The following ALK variants were observed in gnomAD, a reference collection of about 807,000 sequenced individuals.
ALK encodes ALK tyrosine kinase receptor.
ALK carries 74 observed loss-of-function variants against 163.1 expected under a neutral mutation model. That is an observed-to-expected ratio of 0.45 (90% CI 0.38 to 0.55). The LOEUF (loss-of-function observed/expected upper bound fraction) is 0.55, where lower values mean the gene tolerates loss of function less well. ALK is among the 20% of genes least tolerant of loss of function. ALK has a pLI of 0.00. For missense variants in ALK, 2,063 were observed against 2,105.3 expected, an observed-to-expected ratio of 0.98 and a Z score of 0.39; for synonymous variants, 960 against 843.2, an observed-to-expected ratio of 1.14 and a Z score of -2.40.
Position 29,514,901 on chromosome 2 carries a change from A to C in ALK, c.1154+17014T>G, listed in dbSNP as rs1469833050. ...GGGTTCCCATACCCATCCCTACCCTACCTCCAACTGACTTGCAGTTCCATC... is the reference window on the plus strand; with the variant it reads ...GGGTTCCCATACCCATCCCTACCCTCCCTCCAACTGACTTGCAGTTCCATC... On this transcript the variant is annotated intron_variant, in intron 4 of 28. Transcript: ENST00000389048. Among the ~76,000 whole-genome samples, 3 of 151,926 alleles carry C rather than the reference A, an allele frequency of 2.0e-5. No individual in the cohort carries two copies. In the East Asian group the frequency reaches 5.8e-4, roughly 29 times the overall value.
intron 1 of ALK, among the ~76,000 whole-genome samples, chr2:29,832,445 C>G (rs186135812): frequency 6.6e-6 from 1 of 152,206 alleles, no homozygotes; most frequent in Non-Finnish European, 1.5e-5. Flanking sequence ...ACCAAGAAGC[C>G]CAAAATTTGT....
intron 1 of ALK, among the ~76,000 whole-genome samples, chr2:29,753,870 C>T (rs574830038): frequency 2.1e-4 from 32 of 152,346 alleles, no homozygotes; most frequent in Middle Eastern, 3.4e-3. Context: ...TTTGCTTTGG[C>T]ATTAGCACCA....
intron 27 of ALK, 150 bp downstream of exon 27, chr2:29,197,392 G>T (rs2148142682): frequency 1.7e-6 from 2 of 1,161,312 alleles, no homozygotes; most frequent in African/African-American, 1.5e-5. Flanking sequence ...CCATCTCACT[G>T]AAGTCGCAGT....
chr2:29,746,056 C>T (rs2148327995), intron 1 of ALK, among the ~76,000 whole-genome samples: 1 of 152,286 alleles, frequency 6.6e-6, no homozygotes, highest in South Asian at 2.1e-4. Flanking sequence ...CTGTTCCTTA[C>T]AACAACCCTG....
intron 1 of ALK, chr2:29,899,740 T>G (rs1189955276): frequency 6.6e-6 from 1 of 151,094 alleles, no homozygotes; most frequent in East Asian, 1.9e-4. Flanking sequence ...GCAGAAGAAT[T>G]GCTTGAACCC....
chr2:29,630,638 T>C (rs1200616538), intron 3 of ALK, among the ~76,000 whole-genome samples: 1 of 152,172 alleles, frequency 6.6e-6, no homozygotes, highest in Non-Finnish European at 1.5e-5. Flanking sequence ...TAAAATGTTA[T>C]ATAAACCACC....
chr2:29,308,115 A>T (rs746817228), intron 8 of ALK, among the ~76,000 whole-genome samples: 8 of 151,950 alleles, frequency 5.3e-5, no homozygotes, highest in Non-Finnish European at 7.4e-5. Flanking sequence ...ACTTTTGATA[A>T]CTAGAACAAA....
At chr2:29,716,090 G>A (rs187342772) in intron 2 of ALK, among the ~76,000 whole-genome samples, 26 of 152,176 alleles carry the variant, frequency 1.7e-4, no homozygotes, top group Admixed American at 3.3e-4. Context: ...GAACATCTCT[G>A]TTAGGTGCAT....
At chr2:29,408,887 A>G (rs1040428593) in intron 4 of ALK, among the ~76,000 whole-genome samples, 5 of 152,228 alleles carry the variant, frequency 3.3e-5, no homozygotes, top group African/African-American at 1.2e-4. Context: ...GATCAAGAAA[A>G]GAACAGAACT....
chr2:29,252,732 A>C (rs1664851201), intron 11 of ALK, among the ~76,000 whole-genome samples: 1 of 151,714 alleles, frequency 6.6e-6, no homozygotes, highest in South Asian at 2.1e-4. Context: ...GAAGATGTTT[A>C]TTTCTATTTG....
chr2:29,698,226 G>A (rs770718951), intron 2 of ALK, among the ~76,000 whole-genome samples: 8 of 152,170 alleles, frequency 5.3e-5, no homozygotes, highest in Non-Finnish European at 1.2e-4. Context: ...TTCAAGATGT[G>A]CTTGAAGACA....
chr2:29,357,921 C>G (rs1231037161), intron 5 of ALK, among the ~76,000 whole-genome samples: 1 of 152,148 alleles, frequency 6.6e-6, no homozygotes, highest in Non-Finnish European at 1.5e-5. Flanking sequence ...TTTCCTGGGT[C>G]AAAAGTAAAA....
intron 1 of ALK, among the ~76,000 whole-genome samples, chr2:29,918,635 A>G (rs1344448596): frequency 6.6e-6 from 1 of 152,208 alleles, no homozygotes. Context: ...GTCACATACT[A>G]GTATGTATTC....
intron 9 of ALK, among the ~76,000 whole-genome samples, chr2:29,281,689 C>A (rs1289117397): frequency 2.0e-5 from 3 of 152,182 alleles, no homozygotes; most frequent in African/African-American, 7.2e-5. Context: ...TCATTCAGCT[C>A]TACAGAGACG....
At chr2:29,253,787 C>T (rs777512365) in intron 11 of ALK, among the ~76,000 whole-genome samples, 46 of 151,738 alleles carry the variant, frequency 3.0e-4, no homozygotes, top group African/African-American at 5.3e-4. Flanking sequence ...AGGGCAGAAG[C>T]GTGGCAGTTT....
In ALK at chr2:29,906,061, T is replaced by A. The variant is rs148087364; in HGVS notation, c.667+13932A>T. Among the ~76,000 whole-genome samples, 619 of 152,190 alleles carry A rather than the reference T, an allele frequency of 4.1e-3. 3 individuals carry two copies. The highest frequency in any genetic ancestry group is 0.014 in the African/African-American group (566 of 41,524). On this transcript the variant is annotated intron_variant, in intron 1 of 28. Transcript: ENST00000389048. ...AGGTTTCCCAGTTCAAGGGCCTCGC[T>A]ATAGAGGGTCAGATCACAGGAGCAG...
chr2:29,438,067 C>T (rs1670447681), intron 4 of ALK, among the ~76,000 whole-genome samples: 1 of 151,418 alleles, frequency 6.6e-6, no homozygotes, highest in African/African-American at 2.4e-5. Flanking sequence ...CAGAGGGCTG[C>T]CTTTAGGAAT....
intron 11 of ALK, among the ~76,000 whole-genome samples, chr2:29,254,832 A>G (rs895289437): frequency 1.3e-5 from 2 of 152,194 alleles, no homozygotes; most frequent in African/African-American, 2.4e-5. Flanking sequence ...TATGTCCTCC[A>G]TTTCATAAAG....
At chr2:29,651,436 C>T (rs1460628336) in intron 3 of ALK, among the ~76,000 whole-genome samples, 2 of 152,142 alleles carry the variant, frequency 1.3e-5, no homozygotes, top group East Asian at 1.9e-4. Context: ...ATGTCTTCTG[C>T]GTAGCATCTT....
Sources: gnomAD v4.1 joint callset for allele counts (sites outside exome capture counted in the v4.1 genomes callset) on GRCh38, gnomAD v4.1.1 for gene constraint, MANE v1.5 for transcripts, NCBI Gene and HGNC (gene_info 2026-07-23, HGNC 2026-07-21) for gene names.